ZNF521: variants seen among roughly 807,000 people sequenced by gnomAD.
ZNF521 encodes the protein LYST-interacting protein 3.
ZNF521 carries 14 observed loss-of-function variants against 105.5 expected under a neutral mutation model. That is an observed-to-expected ratio of 0.13 (90% CI 0.09 to 0.21). ZNF521 has a LOEUF of 0.21. Ranked by LOEUF, ZNF521 falls within the 10% of genes least tolerant of loss-of-function variation. The pLI is 1.00. For missense variants in ZNF521, 1,233 were observed against 1,629.7 expected (o/e 0.76, Z 4.19); for synonymous variants, 635 against 606.0 (o/e 1.05, Z -0.70).
chr18:25,135,568 G>T (rs1486352247), intron 5 of ZNF521, among the ~76,000 whole-genome samples: 1 of 152,122 alleles, frequency 6.6e-6, no homozygotes, highest in Non-Finnish European at 1.5e-5. Context: ...CAAACAGGAA[G>T]CAGCACCATA....
chr18:25,347,198 G>T (rs1006087095), intron 2 of ZNF521, among the ~76,000 whole-genome samples: 3 of 152,180 alleles, frequency 2.0e-5, no homozygotes, highest in African/African-American at 7.2e-5. Flanking sequence ...CAAGTACCAT[G>T]TCTACTCTCA....
At chr18:25,300,034 T>C (rs536661070) in intron 3 of ZNF521, among the ~76,000 whole-genome samples, 63 of 152,218 alleles carry the variant, frequency 4.1e-4, no homozygotes, top group Non-Finnish European at 7.9e-4. Context: ...GAAGTATCGC[T>C]GTTATTTCTA....
chr18:25,228,541 T>C (rs1906322431), intron 3 of ZNF521, among the ~76,000 whole-genome samples: 1 of 152,248 alleles, frequency 6.6e-6, no homozygotes, highest in Non-Finnish European at 1.5e-5. Flanking sequence ...TATCTTCCTT[T>C]TGCAAAAGCT....
At chr18:25,217,101 T>C (rs1423662079) in intron 4 of ZNF521, among the ~76,000 whole-genome samples, 1 of 152,114 alleles carries the variant, frequency 6.6e-6, no homozygotes, top group African/African-American at 2.4e-5. Context: ...CCCATGACTT[T>C]GTAAGCTGGT....
intron 5 of ZNF521, among the ~76,000 whole-genome samples, chr18:25,175,289 G>A (rs778343952): frequency 6.6e-6 from 1 of 152,168 alleles, no homozygotes; most frequent in African/African-American, 2.4e-5. Context: ...GGAATCCATG[G>A]GGGTCAGGGA....
chr18:25,343,546 A>G (rs1341093505), intron 2 of ZNF521, among the ~76,000 whole-genome samples: 1 of 152,358 alleles, frequency 6.6e-6, no homozygotes, highest in South Asian at 2.1e-4. Context: ...TATAAATCCA[A>G]CAAACTGCAC....
intron 3 of ZNF521, among the ~76,000 whole-genome samples, chr18:25,275,158 G>A (rs1822347422): frequency 6.6e-6 from 1 of 152,088 alleles, no homozygotes; most frequent in Non-Finnish European, 1.5e-5. Flanking sequence ...CCGATTTGTG[G>A]GGCCACTGGA....
chr18:25,145,729 C>G (rs2034930467), intron 5 of ZNF521, among the ~76,000 whole-genome samples: 1 of 152,176 alleles, frequency 6.6e-6, no homozygotes, highest in African/African-American at 2.4e-5. Flanking sequence ...CTTTCTTACA[C>G]TTCTACCTAT....
intron 5 of ZNF521, among the ~76,000 whole-genome samples, chr18:25,107,737 T>C (rs896125351): frequency 6.6e-6 from 1 of 152,212 alleles, no homozygotes; most frequent in Non-Finnish European, 1.5e-5. Flanking sequence ...TTCCTAAAAC[T>C]GATCTGCCTG....
intron 5 of ZNF521, among the ~76,000 whole-genome samples, chr18:25,097,585 G>C (rs1284868663): frequency 1.3e-5 from 2 of 152,128 alleles, no homozygotes; most frequent in Admixed American, 1.3e-4. Flanking sequence ...CGCCACATGA[G>C]AGAGGAACAG....
chr18:25,091,791 A>C (rs1463530281), intron 6 of ZNF521, among the ~76,000 whole-genome samples, 159 bp downstream of exon 6: 1 of 152,248 alleles, frequency 6.6e-6, no homozygotes, highest in Non-Finnish European at 1.5e-5. Context: ...GTAGGCTGCA[A>C]TCAATAATGC....
intron 5 of ZNF521, among the ~76,000 whole-genome samples, chr18:25,163,543 G>C (rs1354336805): frequency 6.6e-6 from 1 of 152,154 alleles, no homozygotes; most frequent in Non-Finnish European, 1.5e-5. Flanking sequence ...AATCAACTGT[G>C]AAATTGGTAA....
At chr18:25,243,685 G>T (rs563085277) in intron 3 of ZNF521, among the ~76,000 whole-genome samples, 15 of 152,232 alleles carry the variant, frequency 9.9e-5, no homozygotes, top group Admixed American at 8.5e-4. Flanking sequence ...TTCAACGCAG[G>T]ACTGATTAAT....
intron 5 of ZNF521, among the ~76,000 whole-genome samples, chr18:25,096,673 T>C (rs1404687340): frequency 6.6e-6 from 1 of 152,182 alleles, no homozygotes; most frequent in African/African-American, 2.4e-5. Context: ...GGCCCCCTTA[T>C]ATCGTCTGAT....
rs745808293 is a variant in ZNF521 at position 25,224,621 on chromosome 18, G to A, written c.3297C>T (p.Leu1099=). The A allele has an allele frequency of 1.2e-6, 2 of 1,614,126 alleles. No individual in the cohort carries two copies. Among genetic ancestry groups the A allele is most frequent in the Admixed American group, 3.3e-5 (2 of 60,022 alleles). Residue 1099 remains leucine (L), a synonymous_variant, in exon 4 of 8, where the codon CTC becomes CTT. Coordinates refer to ENST00000361524, the MANE Select transcript of ZNF521 (RefSeq NM_015461.3). ...PYGLCAGCVN[L]SKSASPGINV... ...TAATGCCTGGGCTGGCGCTCTTACT[G>A]AGATTCACGCAGCCGGCACACAGAC...
At chr18:25,286,077 T>C (rs568865959) in intron 3 of ZNF521, among the ~76,000 whole-genome samples, 153 of 152,324 alleles carry the variant, frequency 1.0e-3, no homozygotes, top group Non-Finnish European at 1.6e-3. Flanking sequence ...AATGTATTCA[T>C]GGTGCTGGCG....
At chr18:25,179,371 C>T (rs1206385853) in intron 5 of ZNF521, among the ~76,000 whole-genome samples, 2 of 151,738 alleles carry the variant, frequency 1.3e-5, no homozygotes, top group Admixed American at 1.3e-4. Context: ...TACTTCTATA[C>T]ATGATCATTT....
chr18:25,320,002 G>A (rs1912851501), intron 3 of ZNF521, among the ~76,000 whole-genome samples: 1 of 152,196 alleles, frequency 6.6e-6, no homozygotes, highest in Non-Finnish European at 1.5e-5. Context: ...GACAGAGGCT[G>A]AGAGAACATT....
chr18:25,325,620 T>G (rs1337244585), intron 2 of ZNF521, among the ~76,000 whole-genome samples: 1 of 152,064 alleles, frequency 6.6e-6, no homozygotes, highest in Non-Finnish European at 1.5e-5. Flanking sequence ...CACCACTCTC[T>G]CTCCCCCTAC....
Sources: allele counts gnomAD v4.1 joint callset (sites outside exome capture counted in the v4.1 genomes callset), GRCh38; gene constraint gnomAD v4.1.1; transcripts MANE v1.5; gene names NCBI Gene and HGNC (gene_info 2026-07-23, HGNC 2026-07-21).